Variants in XKR4 observed in about 807,000 individuals in gnomAD.
XKR4 encodes the protein XK-related protein 4.
A neutral mutation model predicts 53.9 loss-of-function variants in XKR4; 12 were observed. That is an observed-to-expected ratio of 0.22 (90% CI 0.14 to 0.36). XKR4 has a LOEUF of 0.36. Among genes scored for constraint, XKR4 ranks in the 10% least tolerant of loss-of-function variants. The pLI is 1.00. For missense variants in XKR4, 799 were observed against 859.5 expected (o/e 0.93, Z 0.88); for synonymous variants, 354 against 362.4 (o/e 0.98, Z 0.26).
At chr8:55,390,836 G>A (rs913023379) in intron 2 of XKR4, among the ~76,000 whole-genome samples, 13 of 152,140 alleles carry the variant, frequency 8.5e-5, no homozygotes, top group Non-Finnish European at 1.5e-5. Flanking sequence ...TTACCTGAGA[G>A]AGACCCAGAA....
chr8:55,233,727 G>A (rs187912687), intron 1 of XKR4, among the ~76,000 whole-genome samples: 119 of 152,322 alleles, frequency 7.8e-4, no homozygotes, highest in African/African-American at 2.1e-3. Context: ...TGACATTTTC[G>A]GGAACTTTTC....
intron 2 of XKR4, among the ~76,000 whole-genome samples, chr8:55,368,055 G>A (rs1279173596): frequency 6.6e-6 from 1 of 152,114 alleles, no homozygotes; most frequent in African/African-American, 2.4e-5. Context: ...CTGCCTCCCA[G>A]GTTCAAGCGA....
chr8:55,187,266 G>C (rs1433884373), intron 1 of XKR4, among the ~76,000 whole-genome samples: 1 of 134,040 alleles, frequency 7.5e-6, no homozygotes, highest in Non-Finnish European at 1.5e-5. Flanking sequence ...CCGACATGTA[G>C]AGTCTCTTCT....
At chr8:55,104,401 G>A (rs908950540) in intron 1 of XKR4, among the ~76,000 whole-genome samples, 4 of 152,022 alleles carry the variant, frequency 2.6e-5, no homozygotes, top group African/African-American at 7.2e-5. Context: ...CACCAATATG[G>A]GACTACACTC....
At chr8:55,451,739 C>A in intron 2 of XKR4, 1 of 1,208,362 alleles carries the variant, frequency 8.3e-7, no homozygotes, top group Non-Finnish European at 1.2e-6. Context: ...CGGAAGGATT[C>A]AGACTTGGCC....
At chr8:55,450,061 G>T in intron 2 of XKR4, 1 of 749,348 alleles carries the variant, frequency 1.3e-6, no homozygotes. Flanking sequence ...ATCTGGCCGG[G>T]CTTCAAGGCG....
intron 1 of XKR4, among the ~76,000 whole-genome samples, chr8:55,237,973 A>AGAAG (rs965353560): frequency 6.6e-6 from 1 of 152,068 alleles, no homozygotes; most frequent in Non-Finnish European, 1.5e-5. Flanking sequence ...AGAGAGAGAA[A>AGAAG]GAAGGAAGGA....
chr8:55,397,372 T>C (rs1804536636), intron 2 of XKR4, among the ~76,000 whole-genome samples: 1 of 152,212 alleles, frequency 6.6e-6, no homozygotes, highest in African/African-American at 2.4e-5. Flanking sequence ...CCCTTCTCAC[T>C]GCTTTATTCA....
At chr8:55,399,210 G>T (rs1183480003) in intron 2 of XKR4, among the ~76,000 whole-genome samples, 1 of 152,154 alleles carries the variant, frequency 6.6e-6, no homozygotes, top group Non-Finnish European at 1.5e-5. Context: ...CAACAGGACT[G>T]CATGCCAGAG....
rs1805470235 is a variant in XKR4, at chr8:55,452,567, C to T, written c.1007-70714C>T. The T allele has an allele frequency of 3.8e-6, 3 of 789,232 alleles. No homozygotes were observed. In the African/African-American group the frequency reaches 5.1e-5, roughly 13 times the overall value. The allele number at this position is 789,232 out of a possible 1,614,324, so 48.9% of individuals were successfully genotyped here. On this transcript the variant is annotated intron_variant, in intron 2 of 2. Coordinates refer to ENST00000327381, the MANE Select transcript of XKR4 (RefSeq NM_052898.2). Reference sequence around the variant, plus strand: ...TGGGTTTCTAGATGGGCATCAGCCTCCGGTTCTCCCGCTGCACCGCCTCCA... The same window carrying T: ...TGGGTTTCTAGATGGGCATCAGCCTTCGGTTCTCCCGCTGCACCGCCTCCA...
At chr8:55,247,410 T>C (rs1488693871) in intron 1 of XKR4, among the ~76,000 whole-genome samples, 1 of 152,206 alleles carries the variant, frequency 6.6e-6, no homozygotes, top group Non-Finnish European at 1.5e-5. Flanking sequence ...TCAAAGTACT[T>C]GTATAAACAT....
intron 1 of XKR4, among the ~76,000 whole-genome samples, chr8:55,129,628 C>T (rs1262759034): frequency 6.6e-6 from 1 of 152,096 alleles, no homozygotes; most frequent in Non-Finnish European, 1.5e-5. Flanking sequence ...AAAGTTGACC[C>T]TGAGGACCAG....
intron 2 of XKR4, among the ~76,000 whole-genome samples, chr8:55,430,340 C>A (rs973605005): frequency 2.0e-5 from 3 of 152,156 alleles, no homozygotes; most frequent in African/African-American, 7.2e-5. Context: ...CACACAAAAA[C>A]CTGTGCATCA....
chr8:55,164,607 C>G (rs996229906), intron 1 of XKR4: 3 of 335,196 alleles, frequency 8.9e-6, no homozygotes, highest in African/African-American at 6.4e-5. Flanking sequence ...GATGGCTGGA[C>G]AGCAAGAAAG....
chr8:55,303,032 T>C (rs1204132672), intron 1 of XKR4, among the ~76,000 whole-genome samples: 1 of 152,212 alleles, frequency 6.6e-6, no homozygotes. Flanking sequence ...TCCAACACTA[T>C]GTTGAATAGG....
intron 1 of XKR4, among the ~76,000 whole-genome samples, chr8:55,215,176 G>A (rs562065181): frequency 1.1e-4 from 17 of 151,756 alleles, no homozygotes; most frequent in African/African-American, 3.4e-4. Flanking sequence ...ATCATAACTC[G>A]TCATTCATCC....
chr8:55,268,918 T>C (rs1818649743), intron 1 of XKR4, among the ~76,000 whole-genome samples: 1 of 152,204 alleles, frequency 6.6e-6, no homozygotes, highest in Non-Finnish European at 1.5e-5. Flanking sequence ...GACTTCTACA[T>C]GTTTTAATCA....
rs115952872 is a variant in XKR4, at chr8:55,348,598, G to C, written c.807-9080G>C. On this transcript the variant is annotated intron_variant, in intron 1 of 2. Coordinates refer to ENST00000327381, the MANE Select transcript of XKR4 (RefSeq NM_052898.2). Reference sequence around the variant, plus strand: ...CATGGGGTTACAATATAGGACATGAGGTTACAATACAATCCAGGAAGGACC... The same window carrying C: ...CATGGGGTTACAATATAGGACATGACGTTACAATACAATCCAGGAAGGACC... 3.7e-3 allele frequency among the ~76,000 whole-genome samples: 564 copies of C among 152,076 alleles called. 4 individuals are homozygous for C. Among genetic ancestry groups the C allele is most frequent in the African/African-American group, 0.013 (528 of 41,470 alleles).
intron 2 of XKR4, among the ~76,000 whole-genome samples, chr8:55,473,424 C>A (rs906698196): frequency 6.6e-6 from 1 of 152,056 alleles, no homozygotes; most frequent in African/African-American, 2.4e-5. Flanking sequence ...ATTTCAGGTA[C>A]AGGGCATCTG....
Sources: gnomAD v4.1 joint callset for allele counts (sites outside exome capture counted in the v4.1 genomes callset) on GRCh38, gnomAD v4.1.1 for gene constraint, MANE v1.5 for transcripts, NCBI Gene and HGNC (gene_info 2026-07-23, HGNC 2026-07-21) for gene names.